Variants in NINL observed in about 807,000 individuals in gnomAD.
NINL encodes ninein-like protein.
Under a neutral mutation model 160.3 loss-of-function variants are expected in NINL, and 153 were observed. The observed-to-expected ratio is 0.95, with a 90% CI of 0.84 to 1.09. The LOEUF is 1.09. Among genes scored for constraint, NINL ranks in the 50% least tolerant of loss-of-function variants. The pLI is 0.00. For synonymous variants in NINL, 800 were observed against 734.8 expected, an observed-to-expected ratio of 1.09 and a Z score of -1.43; for missense variants, 1,829 against 1,764.0, an observed-to-expected ratio of 1.04 and a Z score of -0.66.
intron 1 of NINL, among the ~76,000 whole-genome samples, chr20:25,530,484 A>G (rs1015935996): frequency 6.6e-6 from 1 of 152,098 alleles, no homozygotes; most frequent in African/African-American, 2.4e-5. Flanking sequence ...TTGTATGGGC[A>G]TATGTAATCT....
chr20:25,492,310 A>G (rs2063657850), intron 10 of NINL, among the ~76,000 whole-genome samples: 1 of 152,268 alleles, frequency 6.6e-6, no homozygotes, highest in Non-Finnish European at 1.5e-5. Context: ...GTAGTGTTAA[A>G]GCTACATATT....
chr20:25,569,874 T>A (rs1460142257), intron 1 of NINL, among the ~76,000 whole-genome samples: 1 of 152,100 alleles, frequency 6.6e-6, no homozygotes, highest in Non-Finnish European at 1.5e-5. Context: ...CGCTGGCACA[T>A]CTGATTCTCT....
At chr20:25,521,461 C>T (rs2064261867) in intron 2 of NINL, among the ~76,000 whole-genome samples, 2 of 152,216 alleles carry the variant, frequency 1.3e-5, no homozygotes, top group South Asian at 4.1e-4. Flanking sequence ...AGTTCTTGCT[C>T]ATCTGTCTTG....
intron 5 of NINL, among the ~76,000 whole-genome samples, chr20:25,505,298 G>C (rs368457180): frequency 6.6e-6 from 1 of 151,444 alleles, no homozygotes; most frequent in Non-Finnish European, 1.5e-5. Context: ...GGGTGTAGAA[G>C]GGTGGCTACA....
chr20:25,568,360 C>A (rs1026712889), intron 1 of NINL, among the ~76,000 whole-genome samples: 1 of 151,556 alleles, frequency 6.6e-6, no homozygotes, highest in Non-Finnish European at 1.5e-5. Context: ...ATACTATAAA[C>A]TCCACACACA....
chr20:25,489,310 A>G lies in NINL; in HGVS notation c.1611T>C (p.Ser537=). ...FVLKDKLEPQ[S]AELLAQEERF... ...GCTCCTCCTGGGCCAGGAGCTCTGC[A>G]CTCTGTGGCTCCAGCTGAAAGGCAG... Residue 537 remains serine (S), a synonymous_variant, in exon 13 of 24, where the codon AGT becomes AGC. Transcript: ENST00000278886. The G allele has an allele frequency of 1.9e-6, 3 of 1,613,760 alleles. No individual in the cohort carries two copies. The highest frequency in any genetic ancestry group is 1.1e-5 in the South Asian group (1 of 91,080).
In NINL at chr20:25,489,906, T is replaced by G; in HGVS notation, c.1565A>C (p.Gln522Pro). The G allele has an allele frequency of 6.2e-7, 1 of 1,614,192 alleles. No individual in the cohort carries two copies. Residue 522 changes from glutamine (Q) to proline (P), a missense_variant, in exon 12 of 24, where the codon CAG becomes CCG. Gln to Pro is a moderately conservative substitution (Grantham distance 76, BLOSUM62 -1). Coordinates refer to ENST00000278886, the MANE Select transcript of NINL (RefSeq NM_025176.6). ...CTTCAGCACAAACTCCAGGTCCTTC[T>G]GCAGCTTCAGGGCCAGCCTCTCCGA... ...SDSERLALKL[Q>P]KDLEFVLKDK...
At chr20:25,499,836 C>G (rs1378517631) in intron 8 of NINL, among the ~76,000 whole-genome samples, 2 of 149,700 alleles carry the variant, frequency 1.3e-5, no homozygotes, top group Non-Finnish European at 2.9e-5. Flanking sequence ...CAGAGAAATG[C>G]TGGCACAGCA....
At position 25,510,747 on chromosome 20, in the gene NINL, A is replaced by G; in HGVS notation, c.451-7T>C. ...CTTCATCTGACTTGGGACTCTGTAG[A>G]AAGATGCAGAGAGAAGGCTGTGAGT... On this transcript the variant is annotated splice_region_variant and splice_polypyrimidine_tract_variant and intron_variant, in intron 4 of 23. Transcript: ENST00000278886. 6.2e-7 allele frequency: 1 copy of G among 1,610,664 alleles called. No homozygotes were observed. The highest frequency in any genetic ancestry group is 1.1e-5 in the South Asian group (1 of 90,890).
Position 25,455,795 on chromosome 20 carries a change from AAAG to A in NINL, c.3844-12_3844-10del. On this transcript the variant is annotated splice_polypyrimidine_tract_variant and intron_variant, in intron 22 of 23. Coordinates refer to ENST00000278886, the MANE Select transcript of NINL (RefSeq NM_025176.6). Reference sequence around the variant, plus strand: ...TGTTTCTCATGTTCTTCCTGCCATAAAAGAAGGTTGCAGGTGGCCGGGCATGGT... The same window carrying A: ...TGTTTCTCATGTTCTTCCTGCCATAAAAGGTTGCAGGTGGCCGGGCATGGT... 1 of 1,612,896 alleles carries A rather than the reference AAAG, an allele frequency of 6.2e-7. No individual in the cohort carries two copies. The highest frequency in any genetic ancestry group is 1.1e-5 in the South Asian group (1 of 91,062).
At chr20:25,493,406 G>A (rs575645806) in intron 10 of NINL, among the ~76,000 whole-genome samples, 16 of 152,294 alleles carry the variant, frequency 1.1e-4, no homozygotes, top group African/African-American at 3.6e-4. Context: ...CAGGATGAAA[G>A]TGAGAGGTGG....
intron 1 of NINL, among the ~76,000 whole-genome samples, chr20:25,550,992 TG>T (rs202021737): frequency 0.021 from 3,218 of 152,278 alleles, 101 homozygotes; most frequent in African/African-American, 0.073. Flanking sequence ...GGGGAAACCT[TG>T]GACAATACCC....
chr20:25,474,117 C>A (rs2063174501), intron 17 of NINL, among the ~76,000 whole-genome samples: 1 of 152,166 alleles, frequency 6.6e-6, no homozygotes, highest in Non-Finnish European at 1.5e-5. Context: ...TCACAAGTGT[C>A]CTTAGAGGTA....
intron 17 of NINL, among the ~76,000 whole-genome samples, chr20:25,475,720 C>T (rs147964501): frequency 2.2e-3 from 328 of 152,282 alleles, no homozygotes; most frequent in African/African-American, 7.8e-3. Context: ...ATTAGTCAGG[C>T]GTGGTGGCAG....
In NINL at chr20:25,478,958, C is replaced by T. The variant is rs566302169; in HGVS notation, c.2166G>A (p.Leu722=). ...GCAGGTGGCTGTGATGCCGCAGGGC[C>T]AGGCCACACAGTGCCTGGGTGCAGC... is the stretch of plus-strand genomic sequence containing the variant. ...APCCTQALCG[L]ALRHHSHLQQ... The change falls in exon 16 of 24, where the codon CTG becomes CTA. Residue 722 remains leucine, a synonymous_variant. Coordinates refer to ENST00000278886, the MANE Select transcript of NINL (RefSeq NM_025176.6). The T allele has an allele frequency of 7.8e-5, 124 of 1,581,042 alleles. No individual in the cohort carries two copies. In the South Asian group the frequency reaches 1.3e-3, roughly 17 times the overall value.
chr20:25,571,820 A>G (rs1160528092), intron 1 of NINL, among the ~76,000 whole-genome samples: 1 of 150,154 alleles, frequency 6.7e-6, no homozygotes, highest in Non-Finnish European at 1.5e-5. Context: ...GTGAACCAAG[A>G]TCACACCACT....
intron 18 of NINL, among the ~76,000 whole-genome samples, chr20:25,468,498 C>T (rs1330866079): frequency 7.0e-6 from 1 of 142,422 alleles, no homozygotes; most frequent in Non-Finnish European, 1.6e-5. Context: ...CCCCCCTGCC[C>T]TGTCCCCCGA....
intron 10 of NINL, among the ~76,000 whole-genome samples, chr20:25,495,064 C>T (rs1009627251): frequency 2.6e-5 from 4 of 152,116 alleles, no homozygotes; most frequent in Non-Finnish European, 4.4e-5. Context: ...GTGGCTGTTA[C>T]GTGAGGCGAC....
chr20:25,500,723 G>C, intron 8 of NINL, 117 bp downstream of exon 8: 1 of 1,087,294 alleles, frequency 9.2e-7, no homozygotes, highest in Non-Finnish European at 1.3e-6. Context: ...GGCATTCTCT[G>C]CACAGAGCAC....
Sources: gnomAD v4.1 joint callset for allele counts (sites outside exome capture counted in the v4.1 genomes callset) on GRCh38, gnomAD v4.1.1 for gene constraint, MANE v1.5 for transcripts, NCBI Gene and HGNC (gene_info 2026-07-23, HGNC 2026-07-21) for gene names.